CREB3L2: variants seen among roughly 807,000 people sequenced by gnomAD.
CREB3L2 encodes cAMP responsive element binding protein 3 like 2.
Under a neutral mutation model 57.2 loss-of-function variants are expected in CREB3L2, and 23 were observed. The observed-to-expected ratio is 0.40, with a 90% CI of 0.29 to 0.57. The LOEUF (loss-of-function observed/expected upper bound fraction) is 0.57. Ranked by LOEUF, CREB3L2 falls within the 20% of genes least tolerant of loss-of-function variation. The pLI is 0.42. For synonymous variants in CREB3L2, 268 were observed against 265.1 expected (o/e 1.01, Z -0.11); for missense variants, 628 against 634.7 (o/e 0.99, Z 0.11).
intron 1 of CREB3L2, among the ~76,000 whole-genome samples, chr7:137,952,579 C>T (rs906879296): frequency 9.2e-5 from 14 of 152,194 alleles, no homozygotes; most frequent in Admixed American, 9.2e-4. Context: ...TGCTTTCCCG[C>T]CTTTGCACTA....
At chr7:137,953,829 CA>C (rs2117275157) in intron 1 of CREB3L2, among the ~76,000 whole-genome samples, 1 of 152,302 alleles carries the variant, frequency 6.6e-6, no homozygotes, top group African/African-American at 2.4e-5. Context: ...GCACTTAAAA[CA>C]GACGGTCAAA....
chr7:137,955,430 C>T lies in CREB3L2; in HGVS notation c.103-27064G>A, dbSNP rs1352040033. 17 of 603,248 alleles carry T rather than the reference C, an allele frequency of 2.8e-5. 1 individual carries two copies. The highest frequency in any genetic ancestry group is 1.4e-4 in the East Asian group (2 of 14,432). The allele number at this position is 603,248 out of a possible 1,614,324, so 37.4% of individuals were successfully genotyped here. On this transcript the variant is annotated intron_variant, in intron 1 of 11. Coordinates refer to ENST00000330387, the MANE Select transcript of CREB3L2 (RefSeq NM_194071.4). ...CACTCCTCTCCCCTTAATCCCCACA[C>T]GCCAAACTTACACGTCCGGTTCAGA...
In CREB3L2 at chr7:137,921,916, G is replaced by A. The variant is rs923821878; in HGVS notation, c.320-5904C>T. Among the ~76,000 whole-genome samples the A allele has an allele frequency of 1.5e-4, 22 of 151,522 alleles. No homozygotes were observed. In the East Asian group the frequency reaches 2.1e-3, roughly 15 times the overall value. ...CTCCCAAGAAGTTGGGACTACAGGC[G>A]TGCGTCACCTCACCCAGCTATTTTT... On this transcript the variant is annotated intron_variant, in intron 2 of 11. Coordinates refer to ENST00000330387, the MANE Select transcript of CREB3L2 (RefSeq NM_194071.4).
chr7:137,898,315 T>C (rs751326567), intron 8 of CREB3L2, among the ~76,000 whole-genome samples: 6 of 152,188 alleles, frequency 3.9e-5, no homozygotes, highest in Non-Finnish European at 5.9e-5. Flanking sequence ...TTAGTGGGAA[T>C]GTAAATTAGT....
chr7:137,951,319 G>A (rs1801091249), intron 1 of CREB3L2, among the ~76,000 whole-genome samples: 1 of 152,186 alleles, frequency 6.6e-6, no homozygotes. Flanking sequence ...AGGTATGGGT[G>A]ATAGCACTCT....
In CREB3L2 at chr7:137,880,500, G is replaced by T; in HGVS notation, c.1539C>A (p.Asp513Glu). 1 of 1,613,766 alleles carries T rather than the reference G, an allele frequency of 6.2e-7. No individual in the cohort carries two copies. Among genetic ancestry groups the T allele is most frequent in the South Asian group, 1.1e-5 (1 of 90,962 alleles). The part of the protein sequence containing the change: ...GNETLKVVEL[D>E]RRVNTTF ...TTTAGAAAGTGGTGTTCACTCTTCTGTCGAGTTCTACAACTTTTAGTGTTT... is the reference window on the plus strand; with the variant it reads ...TTTAGAAAGTGGTGTTCACTCTTCTTTCGAGTTCTACAACTTTTAGTGTTT... The change falls in exon 12 of 12, where the codon GAC becomes GAA. Residue 513 changes from aspartate to glutamate, a missense_variant. Physicochemically the swap from Asp to Glu is conservative, Grantham distance 45. This residue lies in a region of CREB3L2 where 272 missense variants were observed against 242.7 expected (regional missense o/e 1.12). Coordinates refer to ENST00000330387, the MANE Select transcript of CREB3L2 (RefSeq NM_194071.4). The surrounding 1 kb of genome is among the most constrained non-coding windows in gnomAD (Gnocchi z 4.0).
At chr7:137,999,419 C>CACACACAT (rs397950491) in intron 1 of CREB3L2, among the ~76,000 whole-genome samples, 15 of 150,464 alleles carry the variant, frequency 1.0e-4, no homozygotes, top group Admixed American at 6.0e-4. Flanking sequence ...CACACACACA[C>CACACACAT]GAATATAAGC....
Position 137,880,129 on chromosome 7 carries a change from A to G in CREB3L2, c.*347T>C, listed in dbSNP as rs1799261052. The stretch of plus-strand genomic sequence containing the variant: ...ACTGAACAAGAGCCATCTCGTCTCC[A>G]AAGCGGGGGGTTACACCTCACAGGT... On this transcript the variant is annotated 3_prime_UTR_variant, in exon 12 of 12. Coordinates refer to ENST00000330387, the MANE Select transcript of CREB3L2 (RefSeq NM_194071.4). This position sits in a 1 kb window ranked among gnomAD's most constrained non-coding sequence, Gnocchi z 4.0. 1 of 349,070 alleles carries G rather than the reference A, an allele frequency of 2.9e-6. No homozygotes were observed. The highest frequency in any genetic ancestry group is 4.3e-5 in the Admixed American group (1 of 23,056). 21.6% of individuals were successfully genotyped at this position (349,070 alleles called of 1,614,324 possible).
At chr7:137,889,771 T>C (rs992555912) in intron 8 of CREB3L2, among the ~76,000 whole-genome samples, 14 of 152,116 alleles carry the variant, frequency 9.2e-5, no homozygotes, top group Non-Finnish European at 2.1e-4. Context: ...CACACATCCA[T>C]ACAACAGAAA....
chr7:137,985,078 G>A (rs558637401), intron 1 of CREB3L2, among the ~76,000 whole-genome samples: 84 of 152,198 alleles, frequency 5.5e-4, no homozygotes, highest in Non-Finnish European at 1.1e-3. Context: ...GAGACATTGA[G>A]ATTTGGGCAC....
intron 1 of CREB3L2, among the ~76,000 whole-genome samples, chr7:137,998,356 T>C (rs1802024635): frequency 6.6e-6 from 1 of 152,250 alleles, no homozygotes; most frequent in African/African-American, 2.4e-5. Flanking sequence ...AAATCCCTAG[T>C]AAGAGCAACA....
intron 2 of CREB3L2, among the ~76,000 whole-genome samples, chr7:137,921,827 T>C (rs1474774780): frequency 1.3e-5 from 2 of 152,200 alleles, no homozygotes; most frequent in Non-Finnish European, 2.9e-5. Context: ...GTCCACCTTT[T>C]TCTTTTCTTG....
chr7:137,918,147 G>A (rs908166252), intron 2 of CREB3L2, among the ~76,000 whole-genome samples: 2 of 152,134 alleles, frequency 1.3e-5, no homozygotes, highest in South Asian at 2.1e-4. Context: ...GACAGAGACC[G>A]CATAGATCCC....
At chr7:137,953,460 G>C in intron 1 of CREB3L2, 1 of 1,288,722 alleles carries the variant, frequency 7.8e-7, no homozygotes, top group East Asian at 5.5e-5. Flanking sequence ...TGCTGTTGGT[G>C]TATGTTAAAT....
chr7:137,922,419 T>TATATATATATATATATATATAC (rs1800332550), intron 2 of CREB3L2, among the ~76,000 whole-genome samples: 2 of 101,110 alleles, frequency 2.0e-5, no homozygotes, highest in Admixed American at 9.2e-5. Context: ...TATATATGTA[T>TATATATATATATATATATATAC]ATATATATAT....
At chr7:137,977,896 G>A (rs1391642810) in intron 1 of CREB3L2, among the ~76,000 whole-genome samples, 1 of 150,850 alleles carries the variant, frequency 6.6e-6, no homozygotes, top group East Asian at 1.9e-4. Context: ...ACTCCAGCCT[G>A]GGCAAGAAAG....
chr7:137,984,136 G>A (rs1801756393), intron 1 of CREB3L2, among the ~76,000 whole-genome samples: 1 of 152,188 alleles, frequency 6.6e-6, no homozygotes, highest in Non-Finnish European at 1.5e-5. Context: ...CACAGGTCCC[G>A]ACCAGACCTT....
chr7:137,896,797 G>A (rs1799636603), intron 8 of CREB3L2, among the ~76,000 whole-genome samples: 1 of 152,178 alleles, frequency 6.6e-6, no homozygotes, highest in South Asian at 2.1e-4. Flanking sequence ...CAGAGTACAG[G>A]GAAGGAGGCC....
At chr7:137,883,270 G>A (rs767762932) in intron 10 of CREB3L2, among the ~76,000 whole-genome samples, 4 of 152,212 alleles carry the variant, frequency 2.6e-5, no homozygotes, top group Non-Finnish European at 4.4e-5. Flanking sequence ...TAGCACTTCT[G>A]TCATACCTGG....
Sources: gnomAD v4.1 joint callset for allele counts (sites outside exome capture counted in the v4.1 genomes callset) on GRCh38, gnomAD v4.1.1 for gene constraint, gnomAD v4.1.1 regional missense constraint, Gnocchi (gnomAD v3.1) non-coding constraint, MANE v1.5 for transcripts, NCBI Gene and HGNC (gene_info 2026-07-23, HGNC 2026-07-21) for gene names.